The following ADCY1 variants were observed in gnomAD, a reference collection of about 807,000 sequenced individuals.
ADCY1 encodes adenylate cyclase 1.
In ADCY1, 28 loss-of-function variants were observed where a neutral mutation model predicts 105.4. The observed-to-expected ratio is 0.27, with a 90% CI of 0.20 to 0.36. The LOEUF (loss-of-function observed/expected upper bound fraction) is 0.36, where lower values mean the gene tolerates loss of function less well. Ranked by LOEUF, ADCY1 falls within the 10% of genes least tolerant of loss-of-function variation. The pLI, the probability that ADCY1 is intolerant of heterozygous loss-of-function variation, is 1.00. For missense variants in ADCY1, 977 were observed against 1,434.2 expected, an observed-to-expected ratio of 0.68 and a Z score of 5.15; for synonymous variants, 655 against 623.8, an observed-to-expected ratio of 1.05 and a Z score of -0.75.
At chr7:45,610,255 T>C in intron 2 of ADCY1, 124 bp from the exon 3 acceptor site, 1 of 786,514 alleles carries the variant, frequency 1.3e-6, no homozygotes, top group East Asian at 2.5e-5. Context: ...TCAGTGGCAG[T>C]CCAGCCCTGG....
At chr7:45,677,787 C>T in intron 8 of ADCY1, 82 bp from the exon 9 acceptor site, 1 of 1,436,316 alleles carries the variant, frequency 7.0e-7, no homozygotes, top group Middle Eastern at 1.8e-4. Flanking sequence ...TGCAGCGGAT[C>T]TGGCTGGAGG....
At chr7:45,706,235 C>T (rs1232624105) in intron 17 of ADCY1, among the ~76,000 whole-genome samples, 1 of 152,038 alleles carries the variant, frequency 6.6e-6, no homozygotes, top group Non-Finnish European at 1.5e-5. Context: ...ACAGAATAGT[C>T]AACACAATAT....
rs1785470980 is a variant in ADCY1, at chr7:45,721,489, TG to T, written c.*7498del. ...TTTGTAAAGCCTCTCTGACATCAAATGGGGAGAAATGGTGGCACCTCCAGAC... is the reference window on the plus strand; with the variant it reads ...TTTGTAAAGCCTCTCTGACATCAAATGGGAGAAATGGTGGCACCTCCAGAC... On this transcript the variant is annotated 3_prime_UTR_variant, in exon 20 of 20. Transcript: ENST00000297323. 1 of 395,144 alleles carries T rather than the reference TG, an allele frequency of 2.5e-6. No individual in the cohort carries two copies. The highest frequency in any genetic ancestry group is 3.6e-5 in the East Asian group (1 of 27,924). The allele number at this position is 395,144 out of a possible 1,614,324, so 24.5% of individuals were successfully genotyped here.
rs116702255 is a variant in ADCY1, at chr7:45,681,797, C to T, written c.1983+2004C>T. Reference sequence around the variant, plus strand: ...CCAGCAGGGGATAGGTCAGGGCCACCCAGCAGAAGGCCATTGTGGCCTGAG... The same window carrying T: ...CCAGCAGGGGATAGGTCAGGGCCACTCAGCAGAAGGCCATTGTGGCCTGAG... On this transcript the variant is annotated intron_variant, in intron 11 of 19. Transcript: ENST00000297323. Among the ~76,000 whole-genome samples the T allele has an allele frequency of 1.9e-3, 285 of 152,280 alleles. 2 individuals carry two copies. Among genetic ancestry groups the T allele is most frequent in the African/African-American group, 6.7e-3 (278 of 41,552 alleles).
intron 4 of ADCY1, among the ~76,000 whole-genome samples, chr7:45,628,799 A>G (rs1207872847): frequency 2.0e-5 from 3 of 152,058 alleles, no homozygotes; most frequent in Non-Finnish European, 4.4e-5. Flanking sequence ...AATGCGTGTG[A>G]GTTCTGTGGT....
At chr7:45,579,975 C>T (rs1437479508) in intron 1 of ADCY1, among the ~76,000 whole-genome samples, 1 of 151,634 alleles carries the variant, frequency 6.6e-6, no homozygotes, top group Non-Finnish European at 1.5e-5. Context: ...CCCTCGCCCC[C>T]ATTTTTGTTT....
At chr7:45,645,201 A>G (rs1271436202) in intron 4 of ADCY1, among the ~76,000 whole-genome samples, 2 of 152,114 alleles carry the variant, frequency 1.3e-5, no homozygotes, top group East Asian at 1.9e-4. Context: ...CTTGGTCCTC[A>G]TGCAGAGATA....
chr7:45,711,910 A>G (rs185093225), intron 19 of ADCY1, among the ~76,000 whole-genome samples: 42,464 of 97,288 alleles, frequency 0.44, 9,120 homozygotes, highest in South Asian at 0.69. Context: ...TATTAAATAT[A>G]TAAATATATT....
In ADCY1 at chr7:45,648,731, C is replaced by A. The variant is rs1470466918; in HGVS notation, c.1082C>A (p.Thr361Asn). The A allele has an allele frequency of 3.7e-6, 6 of 1,614,188 alleles. No individual in the cohort carries two copies. Among genetic ancestry groups the A allele is most frequent in the Non-Finnish European group, 5.1e-6 (6 of 1,180,034 alleles). The change falls in exon 5 of 20, where the codon ACC becomes AAC. Residue 361 changes from threonine (T) to asparagine (N), a missense_variant. By Grantham distance (65) the Thr-to-Asn change is moderately conservative. Around this residue, in one of 7 missense-constraint regions of ADCY1, gnomAD observed 196 missense variants for 347.8 expected, o/e 0.56. Coordinates refer to ENST00000297323, the MANE Select transcript of ADCY1 (RefSeq NM_021116.4). The stretch of plus-strand genomic sequence containing the variant: ...TGCTACTACTGCGTGTCGGGCCTCA[C>A]CCAGCCCAAGACTGACCATGCCCAC... ...GDCYYCVSGLTQPKTDHAHCC... is the reference protein window; with the variant it reads ...GDCYYCVSGLNQPKTDHAHCC...
At chr7:45,627,241 C>G (rs1261557949) in intron 4 of ADCY1, among the ~76,000 whole-genome samples, 1 of 152,176 alleles carries the variant, frequency 6.6e-6, no homozygotes, top group Non-Finnish European at 1.5e-5. Flanking sequence ...GAAGCGGTGT[C>G]ATTATGGCTC....
chr7:45,655,701 G>C (rs998633751), intron 5 of ADCY1, among the ~76,000 whole-genome samples: 3 of 152,182 alleles, frequency 2.0e-5, no homozygotes, highest in Non-Finnish European at 2.9e-5. Context: ...TTTGGTTGGA[G>C]GCTGGTCGAG....
At chr7:45,580,286 T>C (rs1792492121) in intron 1 of ADCY1, among the ~76,000 whole-genome samples, 1 of 152,190 alleles carries the variant, frequency 6.6e-6, no homozygotes, top group African/African-American at 2.4e-5. Context: ...AGACATGTGC[T>C]GAGTCTGGTC....
chr7:45,705,803 A>G (rs1180833984), intron 17 of ADCY1, among the ~76,000 whole-genome samples: 1 of 152,234 alleles, frequency 6.6e-6, no homozygotes, highest in Non-Finnish European at 1.5e-5. Flanking sequence ...CAGAAGAATT[A>G]ACAACAGCAA....
intron 11 of ADCY1, among the ~76,000 whole-genome samples, chr7:45,683,411 G>T (rs1181382778): frequency 1.3e-5 from 2 of 152,038 alleles, no homozygotes; most frequent in Non-Finnish European, 2.9e-5. Context: ...CCAATGGGAG[G>T]ATTTCCCTTC....
intron 4 of ADCY1, among the ~76,000 whole-genome samples, chr7:45,627,292 G>T (rs1794087075): frequency 6.6e-6 from 1 of 152,186 alleles, no homozygotes; most frequent in Non-Finnish European, 1.5e-5. Flanking sequence ...ACTCATCCTT[G>T]AAAGCCCCAA....
At chr7:45,610,634 A>T in intron 3 of ADCY1, 137 bp downstream of exon 3, 1 of 706,144 alleles carries the variant, frequency 1.4e-6, no homozygotes, top group Non-Finnish European at 2.4e-6. Context: ...TGTGGAGGTA[A>T]TGGTGAAGGT....
intron 2 of ADCY1, among the ~76,000 whole-genome samples, chr7:45,608,248 T>G (rs1793434505): frequency 6.6e-6 from 1 of 152,244 alleles, no homozygotes; most frequent in Admixed American, 6.5e-5. Context: ...ATGTCTTCTT[T>G]TGAGAAGTGA....
chr7:45,583,215 G>A (rs1792616220), intron 1 of ADCY1, among the ~76,000 whole-genome samples: 1 of 152,242 alleles, frequency 6.6e-6, no homozygotes, highest in Admixed American at 6.5e-5. Context: ...ATGTGCATGT[G>A]TGCATGCATG....
chr7:45,681,052 C>T (rs1324040688), intron 11 of ADCY1, among the ~76,000 whole-genome samples: 1 of 152,254 alleles, frequency 6.6e-6, no homozygotes, highest in Non-Finnish European at 1.5e-5. Context: ...CCCTTTCCCA[C>T]ATGTGAGGAA....
Sources: gnomAD v4.1 joint callset for allele counts (sites outside exome capture counted in the v4.1 genomes callset) on GRCh38, gnomAD v4.1.1 for gene constraint, gnomAD v4.1.1 regional missense constraint, MANE v1.5 for transcripts, NCBI Gene and HGNC (gene_info 2026-07-23, HGNC 2026-07-21) for gene names.